The following ARMCX4 variants were observed in gnomAD, a reference collection of about 807,000 sequenced individuals.
The protein encoded by ARMCX4 is armadillo repeat-containing X-linked protein 4.
Under a neutral mutation model 34.7 loss-of-function variants are expected in ARMCX4, and 3 were observed. The ratio of observed to expected loss-of-function variants is 0.09; its 90% CI spans 0.04 to 0.22. The LOEUF (loss-of-function observed/expected upper bound fraction) is 0.22, where lower values mean the gene tolerates loss of function less well. Among genes scored for constraint, ARMCX4 ranks in the 10% least tolerant of loss-of-function variants. The pLI is 1.00. For missense variants in ARMCX4, 1,448 were observed against 1,720.8 expected (o/e 0.84, Z 2.81); for synonymous variants, 513 against 632.8 (o/e 0.81, Z 2.84).
At chrX:101,454,095 A>T (rs1932134122) in intron 4 of ARMCX4, among the ~76,000 whole-genome samples, 3 of 110,413 alleles carry the variant, frequency 2.7e-5, no homozygotes, top group African/African-American at 9.9e-5. Flanking sequence ...AGTTTAGGGC[A>T]TTATCAGAGC....
intron 2 of ARMCX4, among the ~76,000 whole-genome samples, chrX:101,432,757 TAC>T (rs34331926): frequency 0.49 from 49,552 of 101,160 alleles, 10,428 homozygotes; most frequent in Non-Finnish European, 0.62. Flanking sequence ...TATGTGTATA[TAC>T]ACGTATATAT....
intron 4 of ARMCX4, among the ~76,000 whole-genome samples, chrX:101,460,565 AG>A (rs1298623606): frequency 8.9e-6 from 1 of 112,049 alleles, no homozygotes; most frequent in Non-Finnish European, 1.9e-5. Context: ...GGAATCCACC[AG>A]GGCTCTAAGT....
chrX:101,476,119 A>T (rs1556004195), intron 4 of ARMCX4, among the ~76,000 whole-genome samples: 2 of 110,535 alleles, frequency 1.8e-5, no homozygotes, highest in Non-Finnish European at 3.8e-5. Context: ...TTTCTTTTTT[A>T]AAAAAGTGGA....
chrX:101,436,746 G>A (rs1409677517), intron 2 of ARMCX4, among the ~76,000 whole-genome samples: 1 of 111,576 alleles, frequency 9.0e-6, no homozygotes, highest in Non-Finnish European at 1.9e-5. Context: ...AATGCTTCCA[G>A]TTTTTGCCTA....
intron 7 of ARMCX4, among the ~76,000 whole-genome samples, chrX:101,501,015 G>T (rs1556013468): frequency 8.9e-6 from 1 of 112,183 alleles, no homozygotes; most frequent in Non-Finnish European, 1.9e-5. Context: ...ATTTTTAGGG[G>T]TTGAATGGCC....
intron 4 of ARMCX4, among the ~76,000 whole-genome samples, chrX:101,454,479 G>C (rs782677009): frequency 9.4e-6 from 1 of 106,919 alleles, no homozygotes; most frequent in East Asian, 3.0e-4. Context: ...GTAGAGATGG[G>C]GTTTCACCAT....
chrX:101,495,097 C>T lies in ARMCX4; in HGVS notation c.6508C>T (p.Arg2170Cys), dbSNP rs782736116. ...MVTNYISEFL[R>C]LLTVGSGETK... ...TACAAATTATATTTCAGAATTTCTT[C>T]GTTTGTTAACGGTGGGAAGTGGAGA... Residue 2170 changes from arginine to cysteine, a missense_variant, in exon 6 of 6, where the codon CGT becomes TGT. This residue lies in a region of ARMCX4 where 105 missense variants were observed against 180.2 expected (regional missense o/e 0.58). Coordinates refer to ENST00000423738, the MANE Select transcript of ARMCX4 (RefSeq NM_001256155.3). 8.7e-7 allele frequency: 1 copy of T among 1,153,361 alleles called. No individual in the cohort carries two copies.
intron 3 of ARMCX4, among the ~76,000 whole-genome samples, chrX:101,444,815 A>AT (rs1931527049): frequency 2.3e-5 from 2 of 86,845 alleles, no homozygotes; most frequent in South Asian, 1.0e-3. Context: ...ATCACCTCAC[A>AT]TAGTTGCCAT....
intron 2 of ARMCX4, among the ~76,000 whole-genome samples, chrX:101,432,843 CAT>C (rs1930199046): frequency 2.1e-5 from 2 of 96,050 alleles, no homozygotes; most frequent in African/African-American, 3.8e-5. Flanking sequence ...TATATGTATA[CAT>C]ATGTGTATAT....
At chrX:101,480,333 C>A (rs899992678) in intron 4 of ARMCX4, among the ~76,000 whole-genome samples, 1 of 110,760 alleles carries the variant, frequency 9.0e-6, no homozygotes, top group Non-Finnish European at 1.9e-5. Context: ...TTTGGGAGGT[C>A]TGGGTGGGAG....
intron 1 of ARMCX4, chrX:101,418,388 G>A (rs782191128): frequency 2.2e-3 from 251 of 112,672 alleles, no homozygotes; most frequent in Non-Finnish European, 2.4e-3. Context: ...GGGAGAGGAA[G>A]AGGGGTCGGG....
At chrX:101,517,589 A>G (rs1224513566) in intron 11 of ARMCX4, among the ~76,000 whole-genome samples, 1 of 111,797 alleles carries the variant, frequency 8.9e-6, no homozygotes, top group African/African-American at 3.3e-5. Context: ...TATTACATTT[A>G]CTTTTGTATT....
At chrX:101,512,819 TATATA>T (rs1556016691) in intron 11 of ARMCX4, among the ~76,000 whole-genome samples, 2 of 85,022 alleles carry the variant, frequency 2.4e-5, no homozygotes, top group African/African-American at 1.2e-4. Flanking sequence ...TATATACACA[TATATA>T]TACACATATA....
intron 2 of ARMCX4, among the ~76,000 whole-genome samples, chrX:101,440,023 G>A (rs1356608391): frequency 8.9e-6 from 1 of 112,140 alleles, no homozygotes; most frequent in Admixed American, 9.5e-5. Context: ...CTGGTGAGGA[G>A]CTGTGTTCCT....
chrX:101,468,372 C>A (rs1208398568), intron 4 of ARMCX4, among the ~76,000 whole-genome samples: 1 of 108,448 alleles, frequency 9.2e-6, no homozygotes, highest in Non-Finnish European at 1.9e-5. Flanking sequence ...CTCACTGCAG[C>A]CTCGGCCTTC....
chrX:101,436,019 C>G (rs1178737600), intron 2 of ARMCX4, among the ~76,000 whole-genome samples: 3 of 111,565 alleles, frequency 2.7e-5, no homozygotes, highest in African/African-American at 6.5e-5. Context: ...GTTTTGGTAC[C>G]AGTACCATGC....
chrX:101,458,636 G>A (rs1415694904), intron 4 of ARMCX4, among the ~76,000 whole-genome samples: 2 of 107,996 alleles, frequency 1.9e-5, no homozygotes, highest in South Asian at 4.2e-4. Flanking sequence ...ACAGGTGCCC[G>A]CCCCCACGCT....
At chrX:101,525,903 C>G (rs1395763817) in intron 11 of ARMCX4, among the ~76,000 whole-genome samples, 5 of 111,948 alleles carry the variant, frequency 4.5e-5, no homozygotes, top group Non-Finnish European at 9.4e-5. Context: ...AGTTCGAAAA[C>G]ACTCTTCAGG....
intron 11 of ARMCX4, among the ~76,000 whole-genome samples, chrX:101,523,129 A>G (rs1291879962): frequency 2.7e-5 from 3 of 111,878 alleles, no homozygotes; most frequent in African/African-American, 6.5e-5. Flanking sequence ...ACCTATAAAC[A>G]TAGGGCAAAA....
Sources: allele counts gnomAD v4.1 joint callset (sites outside exome capture counted in the v4.1 genomes callset), GRCh38; gene constraint gnomAD v4.1.1; regional missense constraint gnomAD v4.1.1; transcripts MANE v1.5; gene names NCBI Gene and HGNC (gene_info 2026-07-23, HGNC 2026-07-21).